Variants in PDGFD observed in about 807,000 individuals in gnomAD.
The protein encoded by PDGFD is platelet derived growth factor D.
PDGFD carries 30 observed loss-of-function variants against 44.7 expected under a neutral mutation model. That is an observed-to-expected ratio of 0.67 (90% CI 0.50 to 0.91). The LOEUF is 0.91. PDGFD is among the 40% of genes least tolerant of loss of function. The probability of loss-of-function intolerance (pLI) is 0.00; values close to 1 mark genes in which losing one functional copy is unlikely to be tolerated. For synonymous variants in PDGFD, 173 were observed against 168.4 expected (o/e 1.03, Z -0.21); for missense variants, 445 against 457.8 (o/e 0.97, Z 0.25).
intron 5 of PDGFD, among the ~76,000 whole-genome samples, chr11:103,932,323 G>C (rs1204427144): frequency 6.6e-6 from 1 of 151,986 alleles, no homozygotes; most frequent in Non-Finnish European, 1.5e-5. Context: ...TATAAAATAG[G>C]CTTTGTGGTA....
chr11:104,106,356 C>T (rs1861471580), intron 1 of PDGFD, among the ~76,000 whole-genome samples: 1 of 152,050 alleles, frequency 6.6e-6, no homozygotes, highest in Admixed American at 6.6e-5. Flanking sequence ...CAAACTAATA[C>T]CATAAGACAT....
chr11:103,971,544 A>ATG (rs1202789750), intron 3 of PDGFD, among the ~76,000 whole-genome samples: 24 of 152,112 alleles, frequency 1.6e-4, no homozygotes, highest in Non-Finnish European at 2.9e-5. Context: ...CAATGTGTAT[A>ATG]CAGAGAAGAA....
At chr11:104,037,476 C>T (rs773547210) in intron 1 of PDGFD, 3 of 1,614,114 alleles carry the variant, frequency 1.9e-6, no homozygotes, top group Admixed American at 3.3e-5. Flanking sequence ...AAGAGGAAAT[C>T]CGGCAGCAAA....
chr11:103,954,748 G>C (rs1367722935), intron 3 of PDGFD, among the ~76,000 whole-genome samples: 3 of 152,156 alleles, frequency 2.0e-5, no homozygotes, highest in African/African-American at 7.2e-5. Context: ...AATTGTATCT[G>C]TGCTTCTTGA....
chr11:104,133,034 C>A (rs1861946440), intron 1 of PDGFD, among the ~76,000 whole-genome samples: 1 of 152,100 alleles, frequency 6.6e-6, no homozygotes, highest in African/African-American at 2.4e-5. Context: ...CAGGAAGAGG[C>A]ATACTGACTC....
intron 1 of PDGFD, among the ~76,000 whole-genome samples, chr11:104,080,506 T>C (rs1164702402): frequency 2.0e-5 from 3 of 152,172 alleles, no homozygotes; most frequent in Non-Finnish European, 2.9e-5. Context: ...TGGGCTGAAT[T>C]GGAGAGATTT....
intron 1 of PDGFD, among the ~76,000 whole-genome samples, chr11:104,100,179 T>C (rs1481558119): frequency 6.6e-6 from 1 of 152,138 alleles, no homozygotes; most frequent in East Asian, 1.9e-4. Context: ...ACACCTCTGG[T>C]CATTGAACCT....
chr11:104,076,746 A>T (rs1197075267), intron 1 of PDGFD, among the ~76,000 whole-genome samples: 2 of 152,172 alleles, frequency 1.3e-5, no homozygotes, highest in African/African-American at 4.8e-5. Context: ...GTCCACTTAC[A>T]CATGGATTTT....
chr11:104,034,057 C>T (rs7113370), intron 1 of PDGFD, among the ~76,000 whole-genome samples: 6,922 of 152,272 alleles, frequency 0.045, 218 homozygotes, highest in Non-Finnish European at 0.072. Flanking sequence ...TGTGTCTCCA[C>T]TCTGGCGCAC....
At chr11:103,929,706 T>C (rs1858370869) in intron 5 of PDGFD, among the ~76,000 whole-genome samples, 1 of 152,188 alleles carries the variant, frequency 6.6e-6, no homozygotes, top group Non-Finnish European at 1.5e-5. Flanking sequence ...GAATTAGAAC[T>C]GAAAGGTTGT....
At chr11:104,069,390 G>A (rs1591148246) in intron 1 of PDGFD, among the ~76,000 whole-genome samples, 1 of 152,124 alleles carries the variant, frequency 6.6e-6, no homozygotes, top group Non-Finnish European at 1.5e-5. Flanking sequence ...TGACTATTTG[G>A]TTAAAGTGGT....
chr11:104,127,596 T>C lies in PDGFD; in HGVS notation c.124+36208A>G, dbSNP rs1344638532. Among the ~76,000 whole-genome samples the C allele has an allele frequency of 1.3e-5, 2 of 152,296 alleles. 1 individual carries two copies. Among genetic ancestry groups the C allele is most frequent in the African/African-American group, 4.8e-5 (2 of 41,580 alleles). On this transcript the variant is annotated intron_variant, in intron 1 of 6. Transcript: ENST00000393158. The stretch of plus-strand genomic sequence containing the variant: ...ACCATCACATCCAGTCCTGATTCAA[T>C]GCATACAAGCCAAGGTTTCATTTGT...
chr11:104,072,278 T>C (rs1458888272), intron 1 of PDGFD, among the ~76,000 whole-genome samples: 4 of 151,894 alleles, frequency 2.6e-5, no homozygotes, highest in African/African-American at 9.7e-5. Flanking sequence ...GTTTCAGTAG[T>C]GTATTACTTT....
chr11:104,163,671 T>C (rs1862422060), intron 1 of PDGFD, 133 bp downstream of exon 1: 3 of 1,116,492 alleles, frequency 2.7e-6, no homozygotes, highest in South Asian at 2.1e-5. Flanking sequence ...GCAGGAGACC[T>C]CCCTCCCCAA....
intron 3 of PDGFD, among the ~76,000 whole-genome samples, chr11:103,986,437 T>C (rs957970202): frequency 1.3e-5 from 2 of 152,178 alleles, no homozygotes; most frequent in Non-Finnish European, 1.5e-5. Flanking sequence ...ACACAGCCCC[T>C]TGCTCTTTTG....
At position 104,141,032 on chromosome 11, in the gene PDGFD, T is replaced by C. The variant is rs541445917; in HGVS notation, c.124+22772A>G. 4.3e-3 allele frequency among the ~76,000 whole-genome samples: 648 copies of C among 152,288 alleles called. 12 individuals are homozygous for C. The highest frequency in any genetic ancestry group is 7.7e-3 in the South Asian group (37 of 4,824). On this transcript the variant is annotated intron_variant, in intron 1 of 6. Coordinates refer to ENST00000393158, the MANE Select transcript of PDGFD (RefSeq NM_025208.5). ...CCTACATGGTCTGGACCATCCTATC[T>C]TTGCTAGCTTCTATCTCTCTTCTTC...
At chr11:103,975,462 G>A (rs549661136) in intron 3 of PDGFD, among the ~76,000 whole-genome samples, 139 of 152,236 alleles carry the variant, frequency 9.1e-4, no homozygotes, top group African/African-American at 2.9e-3. Flanking sequence ...TCTGATGATA[G>A]TTTCTTTTGC....
chr11:103,923,211 T>C (rs1158715158), intron 6 of PDGFD, among the ~76,000 whole-genome samples: 2 of 152,290 alleles, frequency 1.3e-5, no homozygotes, highest in East Asian at 3.9e-4. Flanking sequence ...ATATCTAGTA[T>C]ATTCCAAGAA....
intron 6 of PDGFD, among the ~76,000 whole-genome samples, chr11:103,915,681 G>T (rs954257895): frequency 1.3e-5 from 2 of 152,094 alleles, no homozygotes; most frequent in African/African-American, 4.8e-5. Flanking sequence ...CATGCTACCT[G>T]ACTTAAAACT....
Sources: gnomAD v4.1 joint callset for allele counts (sites outside exome capture counted in the v4.1 genomes callset) on GRCh38, gnomAD v4.1.1 for gene constraint, MANE v1.5 for transcripts, NCBI Gene and HGNC (gene_info 2026-07-23, HGNC 2026-07-21) for gene names.